Variants in MICAL3 observed in about 807,000 individuals in gnomAD.
MICAL3 encodes [F-actin]-monooxygenase MICAL3.
Under a neutral mutation model 207.4 loss-of-function variants are expected in MICAL3, and 62 were observed. The observed-to-expected ratio is 0.30, with a 90% confidence interval of 0.24 to 0.37. MICAL3 has a LOEUF of 0.37. Among genes scored for constraint, MICAL3 ranks in the 10% least tolerant of loss-of-function variants. The pLI is 1.00. For missense variants in MICAL3, 2,368 were observed against 2,635.6 expected, an observed-to-expected ratio of 0.90 and a Z score of 2.22; for synonymous variants, 1,077 against 1,069.3, an observed-to-expected ratio of 1.01 and a Z score of -0.14.
chr22:17,906,478 A>G, intron 2 of MICAL3, 71 bp downstream of exon 2: 1 of 1,610,748 alleles, frequency 6.2e-7, no homozygotes, highest in East Asian at 2.2e-5. Flanking sequence ...GAATGGCCAG[A>G]GATGCAAGAC....
At chr22:17,965,939 G>A (rs1344499137) in intron 1 of MICAL3, among the ~76,000 whole-genome samples, 3 of 152,104 alleles carry the variant, frequency 2.0e-5, no homozygotes, top group Admixed American at 1.3e-4. Flanking sequence ...CAACCACCAC[G>A]GGACCAACCA....
At chr22:17,983,100 G>A (rs1936000329) in intron 1 of MICAL3, 1 of 152,100 alleles carries the variant, frequency 6.6e-6, no homozygotes, top group Non-Finnish European at 1.5e-5. Context: ...TCTTTTTTTA[G>A]AGAAGGGGTC....
chr22:17,965,464 C>G (rs1030440643), intron 1 of MICAL3, among the ~76,000 whole-genome samples: 1 of 152,216 alleles, frequency 6.6e-6, no homozygotes, highest in African/African-American at 2.4e-5. Flanking sequence ...AGCACTGACT[C>G]CATTCATCCC....
chr22:17,941,437 C>T (rs1933801576), intron 1 of MICAL3, among the ~76,000 whole-genome samples: 1 of 152,140 alleles, frequency 6.6e-6, no homozygotes, highest in Non-Finnish European at 1.5e-5. Context: ...GGAGAGAGGC[C>T]AATGGATTAT....
chr22:17,862,189 G>C (rs1440118435), intron 19 of MICAL3: 3 of 985,064 alleles, frequency 3.0e-6, no homozygotes, highest in Non-Finnish European at 3.6e-6. Context: ...CGGTTACCAT[G>C]GGCCTGAGCT....
chr22:17,893,173 C>A (rs1930521299), intron 11 of MICAL3, among the ~76,000 whole-genome samples: 1 of 152,146 alleles, frequency 6.6e-6, no homozygotes, highest in African/African-American at 2.4e-5. Context: ...TGCCTCCTCC[C>A]TTCTTCATCC....
intron 1 of MICAL3, among the ~76,000 whole-genome samples, chr22:17,941,607 T>C (rs1933810369): frequency 6.6e-6 from 1 of 152,222 alleles, no homozygotes; most frequent in African/African-American, 2.4e-5. Context: ...CAGTTCTCAA[T>C]TTGAGAAGTA....
intron 1 of MICAL3, among the ~76,000 whole-genome samples, chr22:17,942,947 C>G (rs903857413): frequency 1.3e-5 from 2 of 152,212 alleles, no homozygotes; most frequent in African/African-American, 4.8e-5. Flanking sequence ...CCCTCAGGCC[C>G]TTCAGAACAC....
chr22:17,940,427 G>A (rs1569140263), intron 1 of MICAL3, among the ~76,000 whole-genome samples: 1 of 151,870 alleles, frequency 6.6e-6, no homozygotes, highest in Non-Finnish European at 1.5e-5. Flanking sequence ...AGGAGGAGGA[G>A]GAAGAAGGAA....
intron 1 of MICAL3, among the ~76,000 whole-genome samples, chr22:18,007,834 A>ATG (rs1462796433): frequency 8.3e-5 from 12 of 144,124 alleles, no homozygotes; most frequent in Non-Finnish European, 1.2e-4. Context: ...GAGGCAGGAG[A>ATG]ATGGCGTGAA....
intron 1 of MICAL3, among the ~76,000 whole-genome samples, chr22:17,990,744 G>T (rs1921587780): frequency 6.6e-6 from 1 of 152,104 alleles, no homozygotes; most frequent in African/African-American, 2.4e-5. Context: ...CTTTCAAGTG[G>T]GCCTCATACG....
Position 17,796,844 on chromosome 22 carries a change from C to G in MICAL3, c.5651-5543G>C, listed in dbSNP as rs902560615. 1.3e-5 allele frequency among the ~76,000 whole-genome samples: 2 copies of G among 152,216 alleles called. No individual in the cohort carries two copies. Among genetic ancestry groups the G allele is most frequent in the South Asian group, 2.1e-4 (1 of 4,836 alleles). On this transcript the variant is annotated intron_variant, in intron 29 of 31. Transcript: ENST00000441493. This position sits in a 1 kb window ranked among gnomAD's most constrained non-coding sequence, Gnocchi z 4.4. ...ACACTACCACCTGGCCCTTGGCGCACCCGAGCACCTCACTCCAGGCCCTGC... is the reference window on the plus strand; with the variant it reads ...ACACTACCACCTGGCCCTTGGCGCAGCCGAGCACCTCACTCCAGGCCCTGC...
At chr22:17,861,651 C>A in intron 19 of MICAL3, 12 of 985,422 alleles carry the variant, frequency 1.2e-5, no homozygotes, top group Non-Finnish European at 1.4e-5. Flanking sequence ...TTTCTAAAGT[C>A]ATGGTGGACA....
chr22:17,822,925 G>A, intron 23 of MICAL3, 22 bp downstream of exon 23: 1 of 1,497,490 alleles, frequency 6.7e-7, no homozygotes, highest in South Asian at 1.1e-5. Flanking sequence ...CCACCACAGG[G>A]GCGGGGAGGG....
At chr22:17,861,900 C>T (rs1257685424) in intron 19 of MICAL3, 1 of 985,308 alleles carries the variant, frequency 1.0e-6, no homozygotes, top group Admixed American at 6.1e-5. Context: ...GTTCTTTGAA[C>T]TGCAGGTTGT....
chr22:17,929,549 C>A (rs188296362), intron 1 of MICAL3, among the ~76,000 whole-genome samples: 3 of 143,546 alleles, frequency 2.1e-5, no homozygotes, highest in African/African-American at 5.1e-5. Flanking sequence ...TTTCATTTTT[C>A]TTTCTTTCCT....
intron 1 of MICAL3, among the ~76,000 whole-genome samples, chr22:17,983,855 G>C (rs572496075): frequency 1.3e-5 from 2 of 152,112 alleles, no homozygotes; most frequent in Non-Finnish European, 2.9e-5. Flanking sequence ...TTGTTCCCAG[G>C]AAACAGACAC....
intron 1 of MICAL3, among the ~76,000 whole-genome samples, chr22:17,988,932 G>C (rs1171112146): frequency 1.3e-5 from 2 of 152,168 alleles, no homozygotes; most frequent in African/African-American, 4.8e-5. Flanking sequence ...CAGCAGAGGG[G>C]AGCAGCCGCG....
Position 17,896,889 on chromosome 22 carries a change from G to T in MICAL3, c.1041C>A (p.Thr347=), listed in dbSNP as rs184895829. 1 of 1,613,942 alleles carries T rather than the reference G, an allele frequency of 6.2e-7. No homozygotes were observed. Among genetic ancestry groups the T allele is most frequent in the South Asian group, 1.1e-5 (1 of 91,080 alleles). The change falls in exon 8 of 32, where the codon ACC becomes ACA. Residue 347 remains threonine (T), a synonymous_variant. Coordinates refer to ENST00000441493, the MANE Select transcript of MICAL3 (RefSeq NM_015241.3). ...AATCCAGAGACGGCAGCTGCTGCTG[G>T]GTAGAGAAGTCTGCCGCCTCCCTGG... ...SYAREAADFS[T]QQQLPSLDFA...
Sources: gnomAD v4.1 joint callset for allele counts (sites outside exome capture counted in the v4.1 genomes callset) on GRCh38, gnomAD v4.1.1 for gene constraint, Gnocchi (gnomAD v3.1) non-coding constraint, MANE v1.5 for transcripts, NCBI Gene and HGNC (gene_info 2026-07-23, HGNC 2026-07-21) for gene names.